The following DYNC2I1 variants were observed in gnomAD, a reference collection of about 807,000 sequenced individuals.
DYNC2I1 encodes cytoplasmic dynein 2 intermediate chain 1.
In DYNC2I1, 89 loss-of-function variants were observed where a neutral mutation model predicts 133.4. The ratio of observed to expected loss-of-function variants is 0.67; its 90% CI spans 0.56 to 0.80. The LOEUF (loss-of-function observed/expected upper bound fraction) is 0.80. Ranked by LOEUF, DYNC2I1 falls within the 30% of genes least tolerant of loss-of-function variation. DYNC2I1 has a pLI of 0.00. For missense variants in DYNC2I1, 1,291 were observed against 1,314.5 expected (o/e 0.98, Z 0.28); for synonymous variants, 504 against 484.3 (o/e 1.04, Z -0.54).
downstream of DYNC2I1, among the ~76,000 whole-genome samples, chr7:158,950,256 G>GT (rs973652054): frequency 3.2e-4 from 49 of 152,202 alleles, no homozygotes; most frequent in Admixed American, 2.8e-3. Context: ...TAGAGATGGG[G>GT]TTTTGCCATG....
At chr7:158,924,208 A>G (rs1424424465) in intron 17 of DYNC2I1, among the ~76,000 whole-genome samples, 2 of 152,094 alleles carry the variant, frequency 1.3e-5, no homozygotes, top group African/African-American at 4.8e-5. Flanking sequence ...GTGTTCTGGG[A>G]CTCGCCCTAG....
At chr7:158,857,600 C>A (rs185689726) in intron 1 of DYNC2I1, among the ~76,000 whole-genome samples, 1 of 144,408 alleles carries the variant, frequency 6.9e-6, no homozygotes, top group East Asian at 2.0e-4. Context: ...TGCAATGGCA[C>A]GAACTTGGCT....
At chr7:158,841,191 A>ATG in the DYNC2I1 span, among the ~76,000 whole-genome samples, 5 of 87,980 alleles carry the variant, frequency 5.7e-5, no homozygotes, top group African/African-American at 3.1e-4. Flanking sequence ...ATATATATAT[A>ATG]TATATATATA....
chr7:158,914,629 C>T (rs537855685), intron 14 of DYNC2I1, among the ~76,000 whole-genome samples: 1 of 152,242 alleles, frequency 6.6e-6, no homozygotes, highest in African/African-American at 2.4e-5. Flanking sequence ...GTTGGCAAGG[C>T]AAGCATAAAT....
upstream of DYNC2I1, among the ~76,000 whole-genome samples, chr7:158,854,097 C>G (rs1241167127): frequency 1.3e-5 from 2 of 152,066 alleles, no homozygotes; most frequent in Admixed American, 6.6e-5. Flanking sequence ...AAGCTGTCTT[C>G]TTGCGCTGAG....
In DYNC2I1 at chr7:158,892,893, G is replaced by A. The variant is rs34566195; in HGVS notation, c.1059+1560G>A. On this transcript the variant is annotated intron_variant, in intron 8 of 24. Coordinates refer to ENST00000407559, the MANE Select transcript of DYNC2I1 (RefSeq NM_018051.5). ...GCGGAGGTTGCAGTGAGCTGAGATT[G>A]AGCCATTGTACTCTGGCCTGGGCAA... is the stretch of plus-strand genomic sequence containing the variant. 3.4e-5 allele frequency among the ~76,000 whole-genome samples: 5 copies of A among 148,142 alleles called. No homozygotes were observed. In the Admixed American group the frequency reaches 3.4e-4, roughly 10 times the overall value.
intron 4 of DYNC2I1, among the ~76,000 whole-genome samples, chr7:158,953,620 AC>A (rs1197297438): frequency 2.0e-5 from 3 of 152,178 alleles, no homozygotes; most frequent in Non-Finnish European, 4.4e-5. Context: ...ATGGTGGCAC[AC>A]ACCTCTAGTC....
At chr7:158,948,008 G>A (rs556572433), downstream of DYNC2I1, among the ~76,000 whole-genome samples, 40 of 152,296 alleles carry the variant, frequency 2.6e-4, no homozygotes, top group African/African-American at 8.2e-4. Flanking sequence ...AAAGGCCAAC[G>A]ATCTGCCCCT....
chr7:158,913,465 T>G (rs1356206907), intron 13 of DYNC2I1, among the ~76,000 whole-genome samples: 1 of 152,172 alleles, frequency 6.6e-6, no homozygotes, highest in African/African-American at 2.4e-5. Context: ...AATATAGAAT[T>G]TTTATGTTTC....
At chr7:158,927,238 C>T (rs1849713774) in intron 20 of DYNC2I1, among the ~76,000 whole-genome samples, 195 bp downstream of exon 20, 1 of 151,490 alleles carries the variant, frequency 6.6e-6, no homozygotes, top group African/African-American at 2.4e-5. Context: ...CCCGTCTCTA[C>T]AAAAAAATTC....
At chr7:158,905,769 T>TA (rs1846737472) in intron 10 of DYNC2I1, among the ~76,000 whole-genome samples, 1 of 152,242 alleles carries the variant, frequency 6.6e-6, no homozygotes, top group Admixed American at 6.5e-5. Context: ...GAGTGGCACA[T>TA]ACAATAGATG....
intron 1 of DYNC2I1, among the ~76,000 whole-genome samples, chr7:158,858,517 G>GC (rs961282375): frequency 2.0e-5 from 3 of 152,024 alleles, no homozygotes; most frequent in African/African-American, 7.2e-5. Flanking sequence ...TATTTGCCCT[G>GC]TTTTTTTAGT....
At chr7:158,934,827 CTT>C in intron 23 of DYNC2I1, among the ~76,000 whole-genome samples, 1 of 152,300 alleles carries the variant, frequency 6.6e-6, no homozygotes, top group East Asian at 1.9e-4. Flanking sequence ...TAGTGATACT[CTT>C]TGCCTGTTTG....
At position 158,876,668 on chromosome 7, in the gene DYNC2I1, G is replaced by C. The variant is rs201989761; in HGVS notation, c.550G>C (p.Glu184Gln). Residue 184 changes from glutamate (E) to glutamine (Q), a missense_variant, in exon 4 of 25, where the codon GAA (glutamate) becomes CAA (glutamine). Physicochemically the swap from Glu to Gln is conservative, Grantham distance 29. Coordinates refer to ENST00000407559, the MANE Select transcript of DYNC2I1 (RefSeq NM_018051.5). Reference protein sequence around the residue: ...EDSERGDEDRERRYRERKLQY... With the variant: ...EDSERGDEDRQRRYRERKLQY... ...CTCTGAAAGAGGAGATGAAGATAGA[G>C]AAAGAAGATACCGAGAAAGAAAGGT... 2.5e-6 allele frequency: 4 copies of C among 1,576,110 alleles called. No homozygotes were observed. The African/African-American group carries it at 5.5e-5, about 22-fold the overall frequency.
At chr7:158,880,542 G>A (rs1050331950) in intron 5 of DYNC2I1, among the ~76,000 whole-genome samples, 2 of 151,966 alleles carry the variant, frequency 1.3e-5, no homozygotes, top group South Asian at 2.1e-4. Flanking sequence ...CCTGGGTGAC[G>A]GAGTGAGACT....
Position 158,871,196 on chromosome 7 carries a change from C to G in DYNC2I1, c.124C>G (p.Arg42Gly). 1 of 1,613,666 alleles carries G rather than the reference C, an allele frequency of 6.2e-7. No individual in the cohort carries two copies. The highest frequency in any genetic ancestry group is 8.5e-7 in the Non-Finnish European group (1 of 1,179,732). Residue 42 changes from arginine to glycine, a missense_variant, in exon 3 of 25, where the codon CGT becomes GGT. Transcript: ENST00000407559. ...AAGAAAGCACAGAGAGAAGAAGCTG[C>G]GTAAGGAGTCTGAGATGGACCTTCC... Reference protein sequence around the residue: ...EERKHREKKLRKESEMDLPEH... With the variant: ...EERKHREKKLGKESEMDLPEH...
chr7:158,949,346 G>C (rs2129490210), downstream of DYNC2I1, among the ~76,000 whole-genome samples: 1 of 152,398 alleles, frequency 6.6e-6, no homozygotes, highest in Non-Finnish European at 1.5e-5. Context: ...TGGGAGAGAA[G>C]ATGCTGCTTT....
At chr7:158,932,756 C>T (rs1270688778) in intron 21 of DYNC2I1, among the ~76,000 whole-genome samples, 2 of 152,112 alleles carry the variant, frequency 1.3e-5, no homozygotes, top group Admixed American at 6.5e-5. Flanking sequence ...CATGAACAAC[C>T]AGGATCTGAA....
chr7:158,871,011 A>C (rs1418681311), intron 2 of DYNC2I1, 131 bp from the exon 3 acceptor site: 50 of 1,059,824 alleles, frequency 4.7e-5, no homozygotes, highest in Non-Finnish European at 6.6e-5. Context: ...GGAAACTGGG[A>C]TTGGAAAGCA....
Sources: allele counts gnomAD v4.1 joint callset (sites outside exome capture counted in the v4.1 genomes callset), GRCh38; gene constraint gnomAD v4.1.1; transcripts MANE v1.5; gene names NCBI Gene and HGNC (gene_info 2026-07-23, HGNC 2026-07-21).